The following ZNF710 variants were observed in gnomAD, a reference collection of about 807,000 sequenced individuals.
ZNF710 encodes zinc finger protein 710.
In ZNF710, 13 loss-of-function variants were observed where a neutral mutation model predicts 50.6. That is an observed-to-expected ratio of 0.26 (90% CI 0.17 to 0.41). The LOEUF is 0.41. Among genes scored for constraint, ZNF710 ranks in the 10% least tolerant of loss-of-function variants. The pLI, the probability that ZNF710 is intolerant of heterozygous loss-of-function variation, is 1.00. For missense variants in ZNF710, 721 were observed against 936.6 expected (o/e 0.77, Z 3.01); for synonymous variants, 383 against 397.0 (o/e 0.96, Z 0.42).
intron 1 of ZNF710, among the ~76,000 whole-genome samples, chr15:90,048,254 G>A (rs2151503952): frequency 6.6e-6 from 1 of 152,352 alleles, no homozygotes; most frequent in South Asian, 2.1e-4. Context: ...GGCTGTAGCT[G>A]TGTGAGCAGG....
chr15:90,005,864 T>C (rs145733833), intron 1 of ZNF710, among the ~76,000 whole-genome samples: 4 of 152,338 alleles, frequency 2.6e-5, no homozygotes, highest in Non-Finnish European at 5.9e-5. Flanking sequence ...TTCTTGCAGG[T>C]GCTGGCTCTT....
chr15:90,077,007 T>C (rs936620959), intron 4 of ZNF710, among the ~76,000 whole-genome samples: 4 of 152,074 alleles, frequency 2.6e-5, no homozygotes, highest in Non-Finnish European at 4.4e-5. Context: ...ACCTCCCTCA[T>C]ACAGCCTTGG....
chr15:90,071,547 C>A (rs1244014938), intron 2 of ZNF710, among the ~76,000 whole-genome samples: 1 of 151,986 alleles, frequency 6.6e-6, no homozygotes, highest in African/African-American at 2.4e-5. Context: ...GTTTTTATAC[C>A]AAACAAGCAG....
intron 1 of ZNF710, among the ~76,000 whole-genome samples, chr15:90,036,050 C>G (rs528417089): frequency 1.3e-5 from 2 of 152,326 alleles, no homozygotes; most frequent in East Asian, 3.9e-4. Flanking sequence ...CTGAGACGCA[C>G]TCGCCCCATC....
chr15:90,077,407 C>G (rs1900619586), intron 4 of ZNF710, among the ~76,000 whole-genome samples: 1 of 152,000 alleles, frequency 6.6e-6, no homozygotes, highest in Non-Finnish European at 1.5e-5. Flanking sequence ...CCACGCCCGG[C>G]TAATTTTTTT....
chr15:90,037,801 C>G (rs1460724648), intron 1 of ZNF710, among the ~76,000 whole-genome samples: 1 of 152,182 alleles, frequency 6.6e-6, no homozygotes, highest in African/African-American at 2.4e-5. Flanking sequence ...CTTCTGCCCT[C>G]AAAGAACTCT....
Position 90,079,947 on chromosome 15 carries a change from C to A in ZNF710, c.*118C>A. On this transcript the variant is annotated 3_prime_UTR_variant, in exon 5 of 5. Transcript: ENST00000268154. ...AAGCTACTGCCCCACTGTTCTGAGC[C>A]CTCCCTCCCCGAGTCATTTGCACCA... 1 of 990,960 alleles carries A rather than the reference C, an allele frequency of 1.0e-6. No homozygotes were observed. The highest frequency in any genetic ancestry group is 1.4e-6 in the Non-Finnish European group (1 of 709,220). The allele number at this position is 990,960 out of a possible 1,614,324, so 61.4% of individuals were successfully genotyped here.
chr15:90,012,731 T>C (rs1898347261), intron 1 of ZNF710, among the ~76,000 whole-genome samples: 2 of 152,356 alleles, frequency 1.3e-5, no homozygotes, highest in South Asian at 4.1e-4. Flanking sequence ...GTATTTTTAA[T>C]ATCAATATTA....
chr15:90,014,848 A>G (rs1339116858), intron 1 of ZNF710, among the ~76,000 whole-genome samples: 2 of 152,010 alleles, frequency 1.3e-5, no homozygotes, highest in South Asian at 2.1e-4. Context: ...CTTAATATCT[A>G]AAGAGTTCCT....
chr15:90,081,562 A>G lies in ZNF710; in HGVS notation c.*1733A>G, dbSNP rs1302652692. On this transcript the variant is annotated 3_prime_UTR_variant, in exon 5 of 5. Coordinates refer to ENST00000268154, the MANE Select transcript of ZNF710 (RefSeq NM_198526.4). Reference sequence around the variant, plus strand: ...GAGGGGTGGACAAGGTGGCCCAAGTATGGCTTCCAGACCCCGAAGCCCCAC... The same window carrying G: ...GAGGGGTGGACAAGGTGGCCCAAGTGTGGCTTCCAGACCCCGAAGCCCCAC... 1 of 152,320 alleles carries G rather than the reference A, an allele frequency of 6.6e-6. No individual in the cohort carries two copies. Among genetic ancestry groups the G allele is most frequent in the Admixed American group, 6.5e-5 (1 of 15,280 alleles). The allele number at this position is 152,320 out of a possible 1,614,324, so 9.4% of individuals were successfully genotyped here.
intron 1 of ZNF710, chr15:90,045,481 A>T: frequency 1.1e-6 from 1 of 880,688 alleles, no homozygotes; most frequent in Non-Finnish European, 1.4e-6. Context: ...GCCATGAGAG[A>T]TGGTTTCTCT....
chr15:90,055,382 C>T (rs1268886663), intron 1 of ZNF710, among the ~76,000 whole-genome samples: 2 of 152,090 alleles, frequency 1.3e-5, no homozygotes, highest in African/African-American at 2.4e-5. Context: ...TAAAGAACAT[C>T]GATGAAGTCC....
chr15:90,014,434 C>T (rs1281191636), intron 1 of ZNF710, among the ~76,000 whole-genome samples: 12 of 150,252 alleles, frequency 8.0e-5, no homozygotes, highest in African/African-American at 2.9e-4. Flanking sequence ...CCCAGCTACA[C>T]TAGAGGCTGA....
intron 1 of ZNF710, among the ~76,000 whole-genome samples, chr15:90,023,771 G>A (rs1336517967): frequency 3.9e-5 from 6 of 152,298 alleles, no homozygotes; most frequent in Non-Finnish European, 4.4e-5. Flanking sequence ...GCCAAGGCAG[G>A]TGGATCATTG....
In ZNF710 at chr15:90,039,245, C is replaced by G. The variant is rs1345634432; in HGVS notation, c.-28-27865C>G. 2.6e-5 allele frequency among the ~76,000 whole-genome samples: 4 copies of G among 151,686 alleles called. No homozygotes were observed. In the East Asian group the frequency reaches 7.7e-4, roughly 29 times the overall value. ...AGTGAGCTGAGATTGTGCCACTGCA[C>G]TCCAGCCTGGATGGCAGAGCGAGAC... On this transcript the variant is annotated intron_variant, in intron 1 of 4. Coordinates refer to ENST00000268154, the MANE Select transcript of ZNF710 (RefSeq NM_198526.4).
Position 90,067,660 on chromosome 15 carries a change from C to T in ZNF710, c.523C>T (p.Pro175Ser). ...CAAGCCCCGGACGCTCCGGCATCTG[C>T]CCCGAACCCCGAGGCCGGAGCTGAA... is the stretch of plus-strand genomic sequence containing the variant. ...SRKPRTLRHLPRTPRPELNVA... is the reference protein window; with the variant it reads ...SRKPRTLRHLSRTPRPELNVA... Residue 175 changes from proline (P) to serine (S), a missense_variant, in exon 2 of 5, where the codon CCC becomes TCC. Physicochemically the swap from Pro to Ser is moderately conservative, Grantham distance 74. This residue lies in a region of ZNF710 where 326 missense variants were observed against 347.1 expected (regional missense o/e 0.94). Transcript: ENST00000268154. The surrounding 1 kb of genome is among the most constrained non-coding windows in gnomAD (Gnocchi z 8.1). 1 of 1,612,842 alleles carries T rather than the reference C, an allele frequency of 6.2e-7. No homozygotes were observed. The highest frequency in any genetic ancestry group is 1.1e-5 in the South Asian group (1 of 90,996).
intron 1 of ZNF710, chr15:90,045,477 AGAGAT>A: frequency 1.1e-6 from 1 of 877,230 alleles, no homozygotes; most frequent in Non-Finnish European, 1.4e-6. Context: ...AGAAGCCATG[AGAGAT>A]GGTTTCTCTG....
rs200661128 is a variant in ZNF710, at chr15:90,043,906, CT to C, written c.-28-23195del. Among the ~76,000 whole-genome samples the C allele has an allele frequency of 2.3e-4, 35 of 151,080 alleles. No homozygotes were observed. In the South Asian group the frequency reaches 3.4e-3, roughly 15 times the overall value. Reference sequence around the variant, plus strand: ...CCCTTTTTCTTCTTCTATTCAGTTCCTTTTTTTTTCCCCTCTTGCCTCTCTC... The same window carrying C: ...CCCTTTTTCTTCTTCTATTCAGTTCCTTTTTTTTCCCCTCTTGCCTCTCTC... On this transcript the variant is annotated intron_variant, in intron 1 of 4. Coordinates refer to ENST00000268154, the MANE Select transcript of ZNF710 (RefSeq NM_198526.4).
chr15:90,031,488 G>A (rs1019525850), intron 1 of ZNF710, among the ~76,000 whole-genome samples: 1 of 152,150 alleles, frequency 6.6e-6, no homozygotes, highest in Non-Finnish European at 1.5e-5. Context: ...TGAGGAAATC[G>A]GAAGACTAGA....
Sources: gnomAD v4.1 joint callset for allele counts (sites outside exome capture counted in the v4.1 genomes callset) on GRCh38, gnomAD v4.1.1 for gene constraint, gnomAD v4.1.1 regional missense constraint, Gnocchi (gnomAD v3.1) non-coding constraint, MANE v1.5 for transcripts, NCBI Gene and HGNC (gene_info 2026-07-23, HGNC 2026-07-21) for gene names.